Variants in ADAMTS17 observed in about 807,000 individuals in gnomAD.
ADAMTS17 encodes A disintegrin and metalloproteinase with thrombospondin motifs 17.
ADAMTS17 carries 113 observed loss-of-function variants against 141.5 expected under a neutral mutation model. The observed-to-expected ratio is 0.80, with a 90% CI of 0.69 to 0.93. The LOEUF is 0.93. Among genes scored for constraint, ADAMTS17 ranks in the 40% least tolerant of loss-of-function variants. ADAMTS17 has a pLI of 0.00. For synonymous variants in ADAMTS17, 768 were observed against 630.6 expected (o/e 1.22, Z -3.27); for missense variants, 1,659 against 1,517.9 (o/e 1.09, Z -1.54).
intron 15 of ADAMTS17, among the ~76,000 whole-genome samples, chr15:100,091,010 C>CAAAAAAAAAAAAAAA (rs556800178): frequency 0.028 from 1,548 of 54,378 alleles, 112 homozygotes; most frequent in East Asian, 0.079. Context: ...TCCGTCTCAA[C>CAAAAAAAAAAAAAAA]AAAAAAAAAA....
At position 100,297,539 on chromosome 15, in the gene ADAMTS17, A is replaced by T. The variant is rs150249376; in HGVS notation, c.617-16138T>A. 9.2e-3 allele frequency among the ~76,000 whole-genome samples: 1,395 copies of T among 152,308 alleles called. 18 individuals are homozygous for T. The highest frequency in any genetic ancestry group is 0.02 in the Middle Eastern group (6 of 294). On this transcript the variant is annotated intron_variant, in intron 3 of 21. Coordinates refer to ENST00000268070, the MANE Select transcript of ADAMTS17 (RefSeq NM_139057.4). The stretch of plus-strand genomic sequence containing the variant: ...ATGGAACAATACTGGGGCTATTTGG[A>T]TAAAGAAGAGGCACCATCAAGGATA...
chr15:100,060,538 G>A (rs887750726), intron 15 of ADAMTS17, among the ~76,000 whole-genome samples: 1 of 152,332 alleles, frequency 6.6e-6, no homozygotes, highest in South Asian at 2.1e-4. Context: ...AGGCAGATGC[G>A]AGCTCTGACC....
Position 100,280,848 on chromosome 15 carries a change from T to C in ADAMTS17, c.789+381A>G, listed in dbSNP as rs535638879. On this transcript the variant is annotated intron_variant, in intron 4 of 21. Coordinates refer to ENST00000268070, the MANE Select transcript of ADAMTS17 (RefSeq NM_139057.4). ...TCTAAGTCAACACAGTAAGCTCTTT[T>C]TCCCATAGAGGTTGGAATTTGTTCC... Among the ~76,000 whole-genome samples the C allele has an allele frequency of 1.4e-3, 210 of 152,326 alleles. No homozygotes were observed. The Middle Eastern group carries it at 0.017, about 12-fold the overall frequency.
At chr15:100,004,118 C>A (rs2060985451) in intron 18 of ADAMTS17, among the ~76,000 whole-genome samples, 2 of 152,254 alleles carry the variant, frequency 1.3e-5, no homozygotes, top group Non-Finnish European at 2.9e-5. Context: ...GTTTCTTAAG[C>A]CGCAGGCAGC....
chr15:100,146,301 G>A (rs1011999539), intron 10 of ADAMTS17, among the ~76,000 whole-genome samples: 19 of 152,248 alleles, frequency 1.2e-4, no homozygotes, highest in Admixed American at 9.2e-4. Context: ...GAAGAACGTG[G>A]ATTGTGAAGA....
At chr15:100,281,561 C>T (rs1309188563) in intron 3 of ADAMTS17, among the ~76,000 whole-genome samples, 160 bp from the exon 4 acceptor site, 1 of 152,146 alleles carries the variant, frequency 6.6e-6, no homozygotes, top group Non-Finnish European at 1.5e-5. Context: ...GTGGGTGCCC[C>T]GAGTTCACTC....
rs115223622 is a variant in ADAMTS17, at chr15:100,270,010, C to T, written c.790-7575G>A. Among the ~76,000 whole-genome samples the T allele has an allele frequency of 8.7e-3, 1,323 of 152,322 alleles. 22 individuals are homozygous for T. Among genetic ancestry groups the T allele is most frequent in the African/African-American group, 0.029 (1,222 of 41,560 alleles). Reference sequence around the variant, plus strand: ...TTACAAGACTCCTTTCTTCCTTGTTCAAAAATGAGACCACTTTGCATGACG... The same window carrying T: ...TTACAAGACTCCTTTCTTCCTTGTTTAAAAATGAGACCACTTTGCATGACG... On this transcript the variant is annotated intron_variant, in intron 4 of 21. Coordinates refer to ENST00000268070, the MANE Select transcript of ADAMTS17 (RefSeq NM_139057.4).
At chr15:100,208,365 T>C (rs1410837546) in intron 7 of ADAMTS17, among the ~76,000 whole-genome samples, 1 of 152,128 alleles carries the variant, frequency 6.6e-6, no homozygotes, top group Non-Finnish European at 1.5e-5. Flanking sequence ...CAGAAGGTGC[T>C]CATCACTACA....
chr15:100,182,361 G>T (rs981431938), intron 8 of ADAMTS17, among the ~76,000 whole-genome samples: 6 of 152,190 alleles, frequency 3.9e-5, no homozygotes, highest in Admixed American at 6.5e-5. Context: ...CCTCCCTCAA[G>T]ACTTGGGGAT....
chr15:100,193,701 C>T (rs572048189), intron 8 of ADAMTS17, among the ~76,000 whole-genome samples: 2 of 151,706 alleles, frequency 1.3e-5, no homozygotes, highest in South Asian at 4.2e-4. Flanking sequence ...CACTGCCAGG[C>T]ACCATCTACG....
chr15:100,028,233 CT>C (rs1316791776), intron 18 of ADAMTS17, among the ~76,000 whole-genome samples: 42 of 152,348 alleles, frequency 2.8e-4, no homozygotes, highest in African/African-American at 9.9e-4. Flanking sequence ...ATTTGGGGCA[CT>C]CATGCAGCCT....
chr15:99,990,821 G>A (rs151310456), intron 20 of ADAMTS17, among the ~76,000 whole-genome samples: 159 of 152,222 alleles, frequency 1.0e-3, no homozygotes, highest in African/African-American at 3.8e-3. Context: ...TTTTCATAGC[G>A]AAGCCAAAAC....
intron 7 of ADAMTS17, among the ~76,000 whole-genome samples, chr15:100,228,905 G>A (rs2042391746): frequency 1.3e-5 from 2 of 152,194 alleles, no homozygotes; most frequent in African/African-American, 2.4e-5. Context: ...CTGCCTCTAC[G>A]AGGGGGCCAT....
chr15:100,096,380 C>T lies in ADAMTS17; in HGVS notation c.2113G>A (p.Asp705Asn), dbSNP rs374897679. The T allele has an allele frequency of 8.1e-6, 13 of 1,613,922 alleles. No individual in the cohort carries two copies. The highest frequency in any genetic ancestry group is 2.2e-5 in the East Asian group (1 of 44,892). Residue 705 changes from aspartate to asparagine, a missense_variant, in exon 15 of 22, where the codon GAC becomes AAC. Transcript: ENST00000268070. Reference protein sequence around the residue: ...DGKTCHLVKGDFSHARGTALK... With the variant: ...DGKTCHLVKGNFSHARGTALK... ...CCTGTCCCCCGGGCGTGGCTGAAGTCGCCCTTCACCAAGTGGCAGGTCTTG... is the reference window on the plus strand; with the variant it reads ...CCTGTCCCCCGGGCGTGGCTGAAGTTGCCCTTCACCAAGTGGCAGGTCTTG...
intron 13 of ADAMTS17, among the ~76,000 whole-genome samples, chr15:100,112,862 C>T (rs915972233): frequency 4.6e-5 from 7 of 151,956 alleles, no homozygotes; most frequent in African/African-American, 1.7e-4. Flanking sequence ...TTGGGAACCA[C>T]GTGGTCACAT....
chr15:100,271,166 C>T (rs2043896395), intron 4 of ADAMTS17, among the ~76,000 whole-genome samples: 1 of 152,152 alleles, frequency 6.6e-6, no homozygotes, highest in Admixed American at 6.5e-5. Flanking sequence ...CTTTGGGTTG[C>T]TTCCACCATT....
intron 7 of ADAMTS17, among the ~76,000 whole-genome samples, chr15:100,218,660 G>A (rs747905848): frequency 6.6e-5 from 10 of 152,136 alleles, no homozygotes; most frequent in Non-Finnish European, 1.3e-4. Context: ...TAGGAAAAGC[G>A]TTTGGCAGTG....
chr15:100,305,952 C>G (rs1250648832), intron 3 of ADAMTS17: 1 of 152,842 alleles, frequency 6.5e-6, no homozygotes, highest in Non-Finnish European at 1.5e-5. Context: ...AATCAATTAA[C>G]TGACCAAGGA....
At chr15:100,054,475 G>C (rs933655087) in intron 15 of ADAMTS17, among the ~76,000 whole-genome samples, 9 of 152,198 alleles carry the variant, frequency 5.9e-5, no homozygotes, top group African/African-American at 2.2e-4. Flanking sequence ...ACCAGGTTTT[G>C]CTGCTTTAGC....
Sources: gnomAD v4.1 joint callset for allele counts (sites outside exome capture counted in the v4.1 genomes callset) on GRCh38, gnomAD v4.1.1 for gene constraint, MANE v1.5 for transcripts, NCBI Gene and HGNC (gene_info 2026-07-23, HGNC 2026-07-21) for gene names.